The following PSMB2 variants were observed in gnomAD, a reference collection of about 807,000 sequenced individuals.
PSMB2 encodes proteasome 20S subunit beta 2, also known as proteasome subunit beta type-2.
A neutral mutation model predicts 25.7 loss-of-function variants in PSMB2; 13 were observed. The observed-to-expected ratio is 0.51, with a 90% CI of 0.33 to 0.80. PSMB2 has a LOEUF of 0.80. Ranked by LOEUF, PSMB2 falls within the 30% of genes least tolerant of loss-of-function variation. The pLI, the probability that PSMB2 is intolerant of heterozygous loss-of-function variation, is 0.02. For synonymous variants in PSMB2, 87 were observed against 96.2 expected, an observed-to-expected ratio of 0.90 and a Z score of 0.56; for missense variants, 202 against 259.0, an observed-to-expected ratio of 0.78 and a Z score of 1.51.
In PSMB2 at chr1:35,599,636, C is replaced by A; in HGVS notation, c.*3631G>T. On this transcript the variant is annotated 3_prime_UTR_variant, in exon 6 of 6. Coordinates refer to ENST00000373237, the MANE Select transcript of PSMB2 (RefSeq NM_002794.5). Reference sequence around the variant, plus strand: ...TTATGGAATGCCTAGCATGTCAAATCAAAGAATTGGGCTTTATTCTCTTAA... The same window carrying A: ...TTATGGAATGCCTAGCATGTCAAATAAAAGAATTGGGCTTTATTCTCTTAA... The A allele has an allele frequency of 1.2e-5, 12 of 984,226 alleles. No homozygotes were observed. The highest frequency in any genetic ancestry group is 1.4e-5 in the Non-Finnish European group (12 of 828,896). The allele number at this position is 984,226 out of a possible 1,614,324, so 61.0% of individuals were successfully genotyped here. A position where few individuals can be genotyped will look rare whatever the true frequency, so the allele number is the denominator to read the frequency against.
rs1553125213 is a variant in PSMB2 at position 35,628,648 on chromosome 1, T to TTTTTTTA, written c.285+2625_285+2626insTAAAAAA. On this transcript the variant is annotated intron_variant, in intron 3 of 5. Transcript: ENST00000373237. ...ATATATATATTTTTTTTTTTTTTTTTAAAGAAAAGACTACTGATCTTTCAC... is the reference window on the plus strand; with the variant it reads ...ATATATATATTTTTTTTTTTTTTTTTTTTTTTAAAAGAAAAGACTACTGATCTTTCAC... Among the ~76,000 whole-genome samples the TTTTTTTA allele has an allele frequency of 1.2e-3, 40 of 34,696 alleles. 2 individuals are homozygous for TTTTTTTA. Among genetic ancestry groups the TTTTTTTA allele is most frequent in the South Asian group, 3.8e-3 (3 of 790 alleles). 22.8% of individuals were successfully genotyped at this position (34,696 alleles called of 152,430 possible).
At chr1:35,625,033 C>T (rs566642966) in intron 3 of PSMB2, among the ~76,000 whole-genome samples, 132 of 148,450 alleles carry the variant, frequency 8.9e-4, no homozygotes, top group African/African-American at 3.0e-3. Context: ...TGCACTCCAG[C>T]CTGGGTGACA....
In PSMB2 at chr1:35,601,243, A is replaced by AT. The variant is rs1036506486; in HGVS notation, c.*2023dup. On this transcript the variant is annotated 3_prime_UTR_variant, in exon 6 of 6. Transcript: ENST00000373237. Reference sequence around the variant, plus strand: ...CACCACGCCTGGCTAATTGTTATATATTTTTTTAGTAGAGATGGGGTTTCA... The same window carrying AT: ...CACCACGCCTGGCTAATTGTTATATATTTTTTTTAGTAGAGATGGGGTTTCA... 3 of 608,550 alleles carry AT rather than the reference A, an allele frequency of 4.9e-6. No individual in the cohort carries two copies. Among genetic ancestry groups the AT allele is most frequent in the African/African-American group, 2.0e-5 (1 of 49,196 alleles). The allele number at this position is 608,550 out of a possible 1,614,324, so 37.7% of individuals were successfully genotyped here. A position where few individuals can be genotyped will look rare whatever the true frequency, so the allele number is the denominator to read the frequency against.
chr1:35,637,067 C>T (rs1048086369), intron 1 of PSMB2, among the ~76,000 whole-genome samples: 1 of 152,062 alleles, frequency 6.6e-6, no homozygotes, highest in African/African-American at 2.4e-5. Context: ...AGGAACAGAA[C>T]GACAGAAGAA....
rs1557456533 is a variant in PSMB2 at position 35,628,620 on chromosome 1, TA to T, written c.285+2653del. Among the ~76,000 whole-genome samples, 55 of 51,902 alleles carry T rather than the reference TA, an allele frequency of 1.1e-3. 2 individuals are homozygous for T. Among genetic ancestry groups the T allele is most frequent in the African/African-American group, 3.9e-3 (50 of 12,874 alleles). 34.0% of individuals were successfully genotyped at this position (51,902 alleles called of 152,430 possible). ...AAATATATATATATATATATATATA[TA>T]TATATATATATTTTTTTTTTTTTTT... On this transcript the variant is annotated intron_variant, in intron 3 of 5. Transcript: ENST00000373237.
intron 3 of PSMB2, among the ~76,000 whole-genome samples, chr1:35,628,596 A>AAAATATATATATATATAT (rs59538661): frequency 4.0e-5 from 1 of 25,108 alleles, no homozygotes; most frequent in Non-Finnish European, 7.6e-5. Flanking sequence ...AAAAAAAAAA[A>AAAATATATATATATATAT]ATATATATAT....
intron 3 of PSMB2, among the ~76,000 whole-genome samples, chr1:35,628,596 AATAT>A (rs869040203): frequency 2.0e-4 from 5 of 25,090 alleles, no homozygotes; most frequent in African/African-American, 2.3e-4. Context: ...AAAAAAAAAA[AATAT>A]ATATATATAT....
chr1:35,625,025 C>T lies in PSMB2; in HGVS notation c.285+6249G>A, dbSNP rs185997736. Among the ~76,000 whole-genome samples the T allele has an allele frequency of 4.2e-3, 629 of 150,316 alleles. 2 individuals are homozygous for T. The highest frequency in any genetic ancestry group is 6.9e-3 in the Non-Finnish European group (470 of 67,764). ...GCAGTGTGCTGAGATCATGCCACTGCACTCCAGCCTGGGTGACAGAGCGAA... is the reference window on the plus strand; with the variant it reads ...GCAGTGTGCTGAGATCATGCCACTGTACTCCAGCCTGGGTGACAGAGCGAA... On this transcript the variant is annotated intron_variant, in intron 3 of 5. Coordinates refer to ENST00000373237, the MANE Select transcript of PSMB2 (RefSeq NM_002794.5).
intron 3 of PSMB2, among the ~76,000 whole-genome samples, chr1:35,626,977 T>A (rs1037765392): frequency 2.0e-4 from 30 of 152,184 alleles, no homozygotes; most frequent in Non-Finnish European, 1.5e-5. Context: ...AAACTGAATT[T>A]TAAGTTTTAT....
Position 35,601,056 on chromosome 1 carries a change from G to C in PSMB2, c.*2211C>G. Reference sequence around the variant, plus strand: ...GTAGGGCGTCAGAATCATCTGTGGCGCTTTTTTTTTTTTTTTTTTTTTTTT... The same window carrying C: ...GTAGGGCGTCAGAATCATCTGTGGCCCTTTTTTTTTTTTTTTTTTTTTTTT... On this transcript the variant is annotated 3_prime_UTR_variant, in exon 6 of 6. Transcript: ENST00000373237. 1.1e-6 allele frequency: 1 copy of C among 946,026 alleles called. No homozygotes were observed. The highest frequency in any genetic ancestry group is 1.2e-6 in the Non-Finnish European group (1 of 813,086). The allele number at this position is 946,026 out of a possible 1,614,324, so 58.6% of individuals were successfully genotyped here. A position where few individuals can be genotyped will look rare whatever the true frequency, so the allele number is the denominator to read the frequency against.
intron 5 of PSMB2, 36 bp downstream of exon 5, chr1:35,605,197 A>G: frequency 2.5e-6 from 4 of 1,578,144 alleles, no homozygotes; most frequent in Non-Finnish European, 3.5e-6. Context: ...ACAGAGAGAC[A>G]AACATTCCTT....
intron 3 of PSMB2, among the ~76,000 whole-genome samples, chr1:35,612,531 G>C (rs571267761): frequency 9.2e-5 from 14 of 152,188 alleles, no homozygotes; most frequent in Admixed American, 6.5e-4. Flanking sequence ...TTATATATAA[G>C]TGTGAAAACA....
rs575547735 is a variant in PSMB2 at position 35,602,814 on chromosome 1, A to G, written c.*453T>C. 63 of 777,104 alleles carry G rather than the reference A, an allele frequency of 8.1e-5. No individual in the cohort carries two copies. The African/African-American group carries it at 1.2e-3, about 14-fold the overall frequency. The allele number at this position is 777,104 out of a possible 1,614,324, so 48.1% of individuals were successfully genotyped here. A position where few individuals can be genotyped will look rare whatever the true frequency, so the allele number is the denominator to read the frequency against. ...CCCAGCTCTGGAAGAAATATTTTTC[A>G]CTACATGTTTTTGTACTGTTTGCAT... On this transcript the variant is annotated 3_prime_UTR_variant, in exon 6 of 6. Coordinates refer to ENST00000373237, the MANE Select transcript of PSMB2 (RefSeq NM_002794.5).
intron 2 of PSMB2, among the ~76,000 whole-genome samples, chr1:35,631,758 T>C (rs1651107483): frequency 1.3e-5 from 2 of 152,210 alleles, no homozygotes; most frequent in African/African-American, 2.4e-5. Context: ...CAGTGGCTCA[T>C]GCCTGTAATC....
intron 4 of PSMB2, among the ~76,000 whole-genome samples, chr1:35,607,707 T>C (rs866925517): frequency 6.6e-6 from 1 of 152,198 alleles, no homozygotes; most frequent in Non-Finnish European, 1.5e-5. Flanking sequence ...AATCATTATA[T>C]TGGATGAAAT....
At chr1:35,630,607 G>A (rs1445273747) in intron 3 of PSMB2, among the ~76,000 whole-genome samples, 2 of 152,218 alleles carry the variant, frequency 1.3e-5, no homozygotes, top group African/African-American at 4.8e-5. Context: ...CATAATCCAT[G>A]ATTCCAACTA....
At chr1:35,630,299 C>A (rs1651052444) in intron 3 of PSMB2, among the ~76,000 whole-genome samples, 1 of 152,122 alleles carries the variant, frequency 6.6e-6, no homozygotes, top group African/African-American at 2.4e-5. Flanking sequence ...TTTGAAAAAA[C>A]TAAACGTACT....
intron 3 of PSMB2, among the ~76,000 whole-genome samples, chr1:35,628,629 A>ATTTTTTT (rs1401010119): frequency 4.6e-5 from 2 of 43,588 alleles, no homozygotes; most frequent in African/African-American, 2.2e-4. Context: ...ATATATATAT[A>ATTTTTTT]TATTTTTTTT....
chr1:35,612,741 T>C (rs142978690), intron 3 of PSMB2, among the ~76,000 whole-genome samples: 2,788 of 152,300 alleles, frequency 0.018, 96 homozygotes, highest in African/African-American at 0.063. Flanking sequence ...TCTTCTCTAC[T>C]AACTAGCCAG....
Sources: gnomAD v4.1 joint callset for allele counts (sites outside exome capture counted in the v4.1 genomes callset) on GRCh38, gnomAD v4.1.1 for gene constraint, MANE v1.5 for transcripts, NCBI Gene and HGNC (gene_info 2026-07-23, HGNC 2026-07-21) for gene names.